SMIM31: variants seen among roughly 807,000 people sequenced by gnomAD.
The protein encoded by SMIM31 is human epithelial cell program regulator.
At chr4:164,771,745 G>A (rs544572449) in intron 2 of SMIM31, among the ~76,000 whole-genome samples, 1 of 152,134 alleles carries the variant, frequency 6.6e-6, no homozygotes, top group African/African-American at 2.4e-5. Flanking sequence ...GGAGGCGGAG[G>A]TTGCAGTAAT....
intron 2 of SMIM31, among the ~76,000 whole-genome samples, chr4:164,797,481 T>TTTTG (rs1733215201): frequency 6.7e-6 from 1 of 149,828 alleles, no homozygotes; most frequent in African/African-American, 2.5e-5. Context: ...TTTTTTTTTT[T>TTTTG]GAGACAGAGT....
chr4:164,790,087 CAT>C lies in SMIM31; in HGVS notation c.113-11003_113-11002del, dbSNP rs1733080485. Among the ~76,000 whole-genome samples the C allele has an allele frequency of 3.3e-5, 5 of 152,180 alleles. No individual in the cohort carries two copies. In the South Asian group the frequency reaches 6.2e-4, roughly 19 times the overall value. ...AAGGGAACCAGATAAGCAAGGAACACATGATTCCCTAGTTTTTAATAGGCCAC... is the reference window on the plus strand; with the variant it reads ...AAGGGAACCAGATAAGCAAGGAACACGATTCCCTAGTTTTTAATAGGCCAC... On this transcript the variant is annotated intron_variant, in intron 2 of 2. Coordinates refer to ENST00000507311, the MANE Select transcript of SMIM31 (RefSeq NM_001352885.1).
chr4:164,786,738 C>G (rs546330726), intron 2 of SMIM31, among the ~76,000 whole-genome samples: 1 of 152,300 alleles, frequency 6.6e-6, no homozygotes, highest in South Asian at 2.1e-4. Flanking sequence ...ATTAAATTTT[C>G]CCTTATCCCA....
At chr4:164,788,969 A>ATGTTTT (rs1481844886) in intron 2 of SMIM31, among the ~76,000 whole-genome samples, 5 of 152,152 alleles carry the variant, frequency 3.3e-5, no homozygotes, top group African/African-American at 1.2e-4. Flanking sequence ...TTTAACTGGA[A>ATGTTTT]AATTGAGTTC....
In SMIM31 at chr4:164,754,259, G is replaced by A. The variant is rs545931378; in HGVS notation, c.-178G>A. On this transcript the variant is annotated 5_prime_UTR_variant, in exon 1 of 3. The change creates a new upstream start codon in the 5' untranslated region. Coordinates refer to ENST00000507311, the MANE Select transcript of SMIM31 (RefSeq NM_001352885.1). ...TTGGTTAGTGAAGTGGCATCAGGAA[G>A]TGCCTACATTTTCATGGCCTGGTAG... 2.0e-5 allele frequency: 3 copies of A among 152,140 alleles called. No homozygotes were observed. Among genetic ancestry groups the A allele is most frequent in the Non-Finnish European group, 4.4e-5 (3 of 68,026 alleles). The allele number at this position is 152,140 out of a possible 1,614,324, so 9.4% of individuals were successfully genotyped here.
intron 2 of SMIM31, among the ~76,000 whole-genome samples, chr4:164,782,045 C>T (rs1732956936): frequency 6.6e-6 from 1 of 152,094 alleles, no homozygotes; most frequent in Non-Finnish European, 1.5e-5. Context: ...AATCCCAGCA[C>T]TTTGGGAGGT....
chr4:164,770,849 A>G (rs1382309146), intron 2 of SMIM31, among the ~76,000 whole-genome samples: 1 of 152,166 alleles, frequency 6.6e-6, no homozygotes, highest in Non-Finnish European at 1.5e-5. Flanking sequence ...AGTAAAAACA[A>G]TTGTTAATAA....
chr4:164,759,982 AG>A (rs1490461089), intron 1 of SMIM31, among the ~76,000 whole-genome samples: 1 of 152,140 alleles, frequency 6.6e-6, no homozygotes, highest in Non-Finnish European at 1.5e-5. Context: ...GGCTTGAAGG[AG>A]GTAAGAGGGT....
chr4:164,784,256 C>T (rs1732998527), intron 2 of SMIM31, among the ~76,000 whole-genome samples: 1 of 152,162 alleles, frequency 6.6e-6, no homozygotes, highest in African/African-American at 2.4e-5. Context: ...AGCTTGACTC[C>T]CAAGACTGCT....
intron 2 of SMIM31, among the ~76,000 whole-genome samples, chr4:164,772,068 G>T (rs1732809595): frequency 6.6e-6 from 1 of 152,054 alleles, no homozygotes; most frequent in East Asian, 1.9e-4. Context: ...CCTGAGACTG[G>T]GTAATTTATA....
intron 1 of SMIM31, among the ~76,000 whole-genome samples, chr4:164,757,333 G>C (rs1355337193): frequency 6.6e-6 from 1 of 152,084 alleles, no homozygotes; most frequent in Non-Finnish European, 1.5e-5. Context: ...CGTCAAATAT[G>C]CATTTTGTTA....
At chr4:164,783,157 G>C (rs1321513321) in intron 2 of SMIM31, among the ~76,000 whole-genome samples, 2 of 147,094 alleles carry the variant, frequency 1.4e-5, no homozygotes, top group Non-Finnish European at 3.0e-5. Flanking sequence ...GGTGGAGGTT[G>C]TGGTGAGCCG....
At chr4:164,783,941 A>C (rs1732994788) in intron 2 of SMIM31, among the ~76,000 whole-genome samples, 1 of 152,246 alleles carries the variant, frequency 6.6e-6, no homozygotes, top group African/African-American at 2.4e-5. Context: ...TTTCTTCATG[A>C]CATAACATTT....
Position 164,799,831 on chromosome 4 carries a change from C to T in SMIM31, c.113-1260C>T, listed in dbSNP as rs189206552. On this transcript the variant is annotated intron_variant, in intron 2 of 2. Coordinates refer to ENST00000507311, the MANE Select transcript of SMIM31 (RefSeq NM_001352885.1). ...AACACAGTCTGAAGCATGGTGTGTGCTCAGTAAGAATTGCTGAATGAATGA... is the reference window on the plus strand; with the variant it reads ...AACACAGTCTGAAGCATGGTGTGTGTTCAGTAAGAATTGCTGAATGAATGA... 6.5e-3 allele frequency among the ~76,000 whole-genome samples: 988 copies of T among 152,230 alleles called. 7 individuals are homozygous for T. The highest frequency in any genetic ancestry group is 8.5e-3 in the Non-Finnish European group (576 of 68,028).
intron 1 of SMIM31, among the ~76,000 whole-genome samples, chr4:164,758,801 A>ATTTTTTTTTTTTTTTTTTTTTTT (rs35632469): frequency 3.8e-4 from 23 of 60,906 alleles, no homozygotes; most frequent in African/African-American, 5.4e-4. Context: ...GCCCGGCCAA[A>ATTTTTTTTTTTTTTTTTTTTTTT]TTTTTTTTTT....
At chr4:164,756,623 A>G (rs1284381044) in intron 1 of SMIM31, among the ~76,000 whole-genome samples, 17 of 151,898 alleles carry the variant, frequency 1.1e-4, no homozygotes, top group Admixed American at 1.1e-3. Context: ...GAGAACATCA[A>G]TATGGCTCCA....
At chr4:164,799,838 A>G (rs1346189234) in intron 2 of SMIM31, among the ~76,000 whole-genome samples, 3 of 152,256 alleles carry the variant, frequency 2.0e-5, no homozygotes, top group Non-Finnish European at 4.4e-5. Context: ...GTGCTCAGTA[A>G]GAATTGCTGA....
intron 2 of SMIM31, among the ~76,000 whole-genome samples, chr4:164,780,995 A>G (rs537302759): frequency 5.9e-5 from 9 of 152,144 alleles, no homozygotes; most frequent in Non-Finnish European, 1.2e-4. Context: ...TTTGGTACAG[A>G]CAGGGGTCTT....
chr4:164,772,991 C>G (rs1285280557), intron 2 of SMIM31, among the ~76,000 whole-genome samples: 1 of 129,636 alleles, frequency 7.7e-6, no homozygotes, highest in African/African-American at 2.9e-5. Flanking sequence ...AACCAGCACA[C>G]TTTCTCTTCA....
Sources: gnomAD v4.1 joint callset for allele counts (sites outside exome capture counted in the v4.1 genomes callset) on GRCh38, gnomAD v4.1.1 for gene constraint, MANE v1.5 for transcripts, NCBI Gene and HGNC (gene_info 2026-07-23, HGNC 2026-07-21) for gene names.